Variants in DNAH8 observed in about 807,000 individuals in gnomAD.
DNAH8 encodes the protein dynein axonemal heavy chain 8, also known as axonemal beta dynein heavy chain 8.
A neutral mutation model predicts 562.1 loss-of-function variants in DNAH8; 382 were observed. The observed-to-expected ratio is 0.68, with a 90% CI of 0.63 to 0.74. The LOEUF is 0.74. Ranked by LOEUF, DNAH8 falls within the 30% of genes least tolerant of loss-of-function variation. The pLI, the probability that DNAH8 is intolerant of heterozygous loss-of-function variation, is 0.00. For missense variants in DNAH8, 5,203 were observed against 5,620.4 expected, an observed-to-expected ratio of 0.93 and a Z score of 2.37; for synonymous variants, 1,881 against 1,919.4, an observed-to-expected ratio of 0.98 and a Z score of 0.52.
chr6:38,850,372 A>C lies in DNAH8; in HGVS notation c.5321A>C (p.His1774Pro), dbSNP rs1453344513. 1 of 1,613,652 alleles carries C rather than the reference A, an allele frequency of 6.2e-7. No homozygotes were observed. The highest frequency in any genetic ancestry group is 8.5e-7 in the Non-Finnish European group (1 of 1,179,692). ...GDETMGQLLP[H>P]LHEQLEVCQK... ...GAAACCATGGGACAACTTTTACCTC[A>C]TTTACATGAGCAGTTGGAAGTATGT... is the stretch of plus-strand genomic sequence containing the variant. Residue 1774 changes from histidine (H) to proline (P), a missense_variant, in exon 38 of 93, where the codon CAT (histidine) becomes CCT (proline). Physicochemically the swap from His to Pro is moderately conservative, Grantham distance 77. Around this residue, in one of 6 missense-constraint regions of DNAH8, gnomAD observed 2,176 missense variants for 2,365.1 expected, o/e 0.92. Coordinates refer to ENST00000327475, the MANE Select transcript of DNAH8 (RefSeq NM_001206927.2).
intron 31 of DNAH8, 61 bp from the exon 32 acceptor site, chr6:38,834,518 C>A: frequency 1.1e-5 from 13 of 1,152,340 alleles, no homozygotes; most frequent in South Asian, 4.7e-5. Flanking sequence ...TAGATAAACC[C>A]AATAAACTGA....
In DNAH8 at chr6:38,825,597, C is replaced by A. The variant is rs146375103; in HGVS notation, c.3848-559C>A. Among the ~76,000 whole-genome samples, 755 of 152,202 alleles carry A rather than the reference C, an allele frequency of 5.0e-3. 4 individuals carry two copies. The highest frequency in any genetic ancestry group is 0.027 in the Middle Eastern group (8 of 294). On this transcript the variant is annotated intron_variant, in intron 28 of 92. Transcript: ENST00000327475. ...CTGCTTCCCAGACTATGTGGCTCCTCCTCAAGCCTCATTTCAAACTCTCAA... is the reference window on the plus strand; with the variant it reads ...CTGCTTCCCAGACTATGTGGCTCCTACTCAAGCCTCATTTCAAACTCTCAA...
rs1767616527 is a variant in DNAH8, at chr6:39,030,690, TTTGAAAGTG to T, written c.*303_*311del. Among the ~76,000 whole-genome samples the T allele has an allele frequency of 6.6e-6, 1 of 152,190 alleles. No homozygotes were observed. The highest frequency in any genetic ancestry group is 2.1e-4 in the South Asian group (1 of 4,824). On this transcript the variant is annotated 3_prime_UTR_variant, in exon 93 of 93. Transcript: ENST00000327475. The stretch of plus-strand genomic sequence containing the variant: ...CTTTGGAAGCTCTGAATTTTAAAAA[TTTGAAAGTG>T]TTGATATGTGACATCCTAAAAAGAG...
rs772835642 is a variant in DNAH8 at position 38,923,086 on chromosome 6, G to C, written c.10691G>C (p.Arg3564Pro). 1 of 1,613,436 alleles carries C rather than the reference G, an allele frequency of 6.2e-7. No individual in the cohort carries two copies. ...TTGCTTAATGACGCTGATACGTGCC[G>C]GAAAAAGATGCAGGCCGCCTCCACT... ...MDLLNDADTC[R>P]KKMQAASTLI... The change falls in exon 72 of 93, where the codon CGG (arginine) becomes CCG (proline). Residue 3564 changes from arginine to proline, a missense_variant. Around this residue, in one of 6 missense-constraint regions of DNAH8, gnomAD observed 1,399 missense variants for 1,518.4 expected, o/e 0.92. Coordinates refer to ENST00000327475, the MANE Select transcript of DNAH8 (RefSeq NM_001206927.2).
intron 49 of DNAH8, among the ~76,000 whole-genome samples, chr6:38,871,675 G>A (rs1777475471): frequency 6.6e-6 from 1 of 152,162 alleles, no homozygotes; most frequent in African/African-American, 2.4e-5. Context: ...AGCAGCGGCT[G>A]TCCATGATCC....
At chr6:38,720,930 A>G (rs1476816629) in intron 1 of DNAH8, among the ~76,000 whole-genome samples, 2 of 152,160 alleles carry the variant, frequency 1.3e-5, no homozygotes, top group African/African-American at 4.8e-5. Context: ...ATTAAGAAAG[A>G]GATTTGCTGA....
chr6:38,828,149 T>G, intron 29 of DNAH8, 35 bp from the exon 30 acceptor site: 2 of 1,378,340 alleles, frequency 1.5e-6, no homozygotes, highest in Non-Finnish European at 1.0e-6. Context: ...TGGCTTTCCC[T>G]TGTGATATTT....
intron 83 of DNAH8, 47 bp downstream of exon 83, chr6:38,971,712 C>T (rs777852161): frequency 4.2e-6 from 6 of 1,424,646 alleles, no homozygotes; most frequent in Non-Finnish European, 5.8e-6. Context: ...TGCTAGAAAC[C>T]CCACAATCAT....
At chr6:38,799,509 G>A (rs887101059) in intron 21 of DNAH8, among the ~76,000 whole-genome samples, 2 of 152,174 alleles carry the variant, frequency 1.3e-5, no homozygotes, top group African/African-American at 2.4e-5. Flanking sequence ...GCTCGCACAT[G>A]CTATCTTCAC....
At chr6:38,933,978 A>C (rs1319348448) in intron 76 of DNAH8, among the ~76,000 whole-genome samples, 1 of 152,224 alleles carries the variant, frequency 6.6e-6, no homozygotes, top group Non-Finnish European at 1.5e-5. Context: ...TACAAAAATG[A>C]ATAGGAAAGC....
At chr6:38,825,461 C>A (rs955059151) in intron 28 of DNAH8, among the ~76,000 whole-genome samples, 5 of 152,084 alleles carry the variant, frequency 3.3e-5, no homozygotes, top group African/African-American at 1.2e-4. Context: ...TCCCAGAATC[C>A]AGGGTGCAAC....
rs940384008 is a variant in DNAH8, at chr6:38,715,394, A to T, written c.-56A>T. The T allele has an allele frequency of 6.6e-6, 1 of 152,320 alleles. No homozygotes were observed. The highest frequency in any genetic ancestry group is 1.5e-5 in the Non-Finnish European group (1 of 68,116). 9.4% of individuals were successfully genotyped at this position (152,320 alleles called of 1,614,324 possible). ...CCTCAGTGGGCTGAGTGGTCGGGGC[A>T]TCGGGGCCCAGAGAGCGGCTGGTGA... On this transcript the variant is annotated 5_prime_UTR_variant, in exon 1 of 93. Transcript: ENST00000327475.
chr6:39,024,782 G>A (rs553019921), intron 91 of DNAH8, among the ~76,000 whole-genome samples: 2 of 152,270 alleles, frequency 1.3e-5, no homozygotes, highest in African/African-American at 4.8e-5. Context: ...TACATTTCCT[G>A]CCTCCTATAC....
chr6:38,767,194 T>G (rs1311847639), intron 11 of DNAH8, among the ~76,000 whole-genome samples: 1 of 152,152 alleles, frequency 6.6e-6, no homozygotes, highest in South Asian at 2.1e-4. Context: ...CCCAGCACTT[T>G]GGGAGGCTGA....
intron 35 of DNAH8, 25 bp downstream of exon 35, chr6:38,842,928 C>G: frequency 6.2e-7 from 1 of 1,604,122 alleles, no homozygotes; most frequent in African/African-American, 1.3e-5. Context: ...ACGTTCTTAT[C>G]AATGATCCAT....
At chr6:39,020,405 G>A (rs927918027) in intron 91 of DNAH8, among the ~76,000 whole-genome samples, 1 of 152,150 alleles carries the variant, frequency 6.6e-6, no homozygotes, top group Non-Finnish European at 1.5e-5. Flanking sequence ...TGCCTCCACA[G>A]TAAAATCACC....
intron 4 of DNAH8, 70 bp from the exon 5 acceptor site, chr6:38,734,404 G>C (rs1763917549): frequency 1.3e-6 from 2 of 1,539,672 alleles, no homozygotes; most frequent in South Asian, 2.4e-5. Flanking sequence ...AATAGTGTAA[G>C]AGCCACAGTA....
rs147821581 is a variant in DNAH8 at position 38,786,707 on chromosome 6, C to T, written c.2396-58C>T. ...AGGGGGCAAGACAGAAATATAAACA[C>T]AGCTGGAAGCAGAAAGGAAATTCAG... On this transcript the variant is annotated intron_variant, in intron 17 of 92. Transcript: ENST00000327475. The T allele has an allele frequency of 6.0e-4, 932 of 1,542,884 alleles. 7 individuals are homozygous for T. In the African/African-American group the frequency reaches 0.011, roughly 17 times the overall value.
At chr6:39,016,143 T>C (rs1218538692) in intron 91 of DNAH8, among the ~76,000 whole-genome samples, 1 of 152,236 alleles carries the variant, frequency 6.6e-6, no homozygotes, top group Non-Finnish European at 1.5e-5. Flanking sequence ...ACATCAACAG[T>C]TGATCTCCCA....
Sources: allele counts gnomAD v4.1 joint callset (sites outside exome capture counted in the v4.1 genomes callset), GRCh38; gene constraint gnomAD v4.1.1; regional missense constraint gnomAD v4.1.1; transcripts MANE v1.5; gene names NCBI Gene and HGNC (gene_info 2026-07-23, HGNC 2026-07-21).